The following LRP1B variants were observed in gnomAD, a reference collection of about 807,000 sequenced individuals.
LRP1B encodes low-density lipoprotein receptor-related protein 1B.
A neutral mutation model predicts 556.6 loss-of-function variants in LRP1B; 217 were observed. The ratio of observed to expected loss-of-function variants is 0.39; its 90% CI spans 0.35 to 0.44. The LOEUF (loss-of-function observed/expected upper bound fraction) is 0.44, where lower values mean the gene tolerates loss of function less well. Ranked by LOEUF, LRP1B falls within the 20% of genes least tolerant of loss-of-function variation. The probability of loss-of-function intolerance (pLI) is 1.00; values close to 1 mark genes in which losing one functional copy is unlikely to be tolerated. For missense variants in LRP1B, 5,053 were observed against 5,620.8 expected, an observed-to-expected ratio of 0.90 and a Z score of 3.23; for synonymous variants, 2,047 against 1,865.8, an observed-to-expected ratio of 1.10 and a Z score of -2.50.
intron 18 of LRP1B, among the ~76,000 whole-genome samples, chr2:140,979,316 G>A (rs1696695868): frequency 1.3e-5 from 2 of 151,698 alleles, no homozygotes; most frequent in Admixed American, 6.6e-5. Flanking sequence ...GATTCTATTT[G>A]CCAGCTGTAA....
At chr2:141,938,472 C>T (rs1043975720) in intron 1 of LRP1B, among the ~76,000 whole-genome samples, 7 of 152,082 alleles carry the variant, frequency 4.6e-5, no homozygotes, top group African/African-American at 1.7e-4. Flanking sequence ...AAAAGGGAAC[C>T]TTTGTACACT....
chr2:140,324,000 C>A lies in LRP1B; in HGVS notation c.12407G>T (p.Gly4136Val), dbSNP rs2105059385. ...GCCAAATTTTTGAACTCGAAATACA[C>A]CATTTTTAGGTCCTGCTCCATATAT... ...DYIYGAGPKN[G>V]VFRVQKFGHG... Residue 4136 changes from glycine to valine, a missense_variant, in exon 81 of 91, where the codon GGT (glycine) becomes GTT (valine). By Grantham distance (109) the Gly-to-Val change is moderately radical. Coordinates refer to ENST00000389484, the MANE Select transcript of LRP1B (RefSeq NM_018557.3). 6.2e-7 allele frequency: 1 copy of A among 1,609,354 alleles called. No individual in the cohort carries two copies. Among genetic ancestry groups the A allele is most frequent in the Non-Finnish European group, 8.5e-7 (1 of 1,176,274 alleles).
intron 35 of LRP1B, among the ~76,000 whole-genome samples, chr2:140,740,051 G>C (rs1279399756): frequency 1.3e-5 from 2 of 152,074 alleles, no homozygotes; most frequent in Non-Finnish European, 2.9e-5. Context: ...CAGTGATCAG[G>C]GAACACTTCT....
intron 31 of LRP1B, among the ~76,000 whole-genome samples, chr2:140,818,936 CAAAAAAAAAAAA>C: frequency 9.7e-6 from 1 of 102,910 alleles, no homozygotes; most frequent in East Asian, 2.8e-4. Flanking sequence ...GACTCTGTCT[CAAAAAAAAAAAA>C]AAAAAAAAAA....
Position 140,353,182 on chromosome 2 carries a change from G to A in LRP1B, c.11531-110C>T, listed in dbSNP as rs1032985942. 14 of 1,072,670 alleles carry A rather than the reference G, an allele frequency of 1.3e-5. No individual in the cohort carries two copies. The African/African-American group carries it at 1.9e-4, about 15-fold the overall frequency. The allele number at this position is 1,072,670 out of a possible 1,614,324, so 66.4% of individuals were successfully genotyped here. On this transcript the variant is annotated intron_variant, in intron 75 of 90. Transcript: ENST00000389484. ...TTTTTAACTTATTACTAGCTTTATT[G>A]TCCTTTCACATCTTTAATCTGTGAC... is the stretch of plus-strand genomic sequence containing the variant.
intron 43 of LRP1B, among the ~76,000 whole-genome samples, chr2:140,567,011 T>C (rs1681152421): frequency 6.6e-6 from 1 of 152,094 alleles, no homozygotes; most frequent in Non-Finnish European, 1.5e-5. Flanking sequence ...ATTGGTAGCT[T>C]GGCTGAACTA....
intron 35 of LRP1B, among the ~76,000 whole-genome samples, chr2:140,723,163 T>G (rs964644207): frequency 9.9e-5 from 15 of 152,202 alleles, no homozygotes; most frequent in African/African-American, 3.6e-4. Context: ...TTTTGATGAG[T>G]CTTTTATAAA....
At chr2:140,312,537 A>G (rs564134162) in intron 83 of LRP1B, among the ~76,000 whole-genome samples, 2 of 152,012 alleles carry the variant, frequency 1.3e-5, no homozygotes, top group South Asian at 4.1e-4. Flanking sequence ...TCTTAATGAT[A>G]TCTATGATGC....
In LRP1B at chr2:140,438,921, C is replaced by T. The variant is rs116705943; in HGVS notation, c.10414+3583G>A. On this transcript the variant is annotated intron_variant, in intron 66 of 90. Coordinates refer to ENST00000389484, the MANE Select transcript of LRP1B (RefSeq NM_018557.3). Reference sequence around the variant, plus strand: ...TGGGGCATGAGTGCAGAGTTGACCACTAGAGACCAAACAGAAAATAACTGA... The same window carrying T: ...TGGGGCATGAGTGCAGAGTTGACCATTAGAGACCAAACAGAAAATAACTGA... Among the ~76,000 whole-genome samples the T allele has an allele frequency of 1.6e-3, 242 of 152,140 alleles. 1 individual carries two copies. Among genetic ancestry groups the T allele is most frequent in the African/African-American group, 5.4e-3 (224 of 41,504 alleles).
chr2:140,394,071 G>A (rs202181471), intron 66 of LRP1B, among the ~76,000 whole-genome samples: 2 of 151,378 alleles, frequency 1.3e-5, no homozygotes, highest in Non-Finnish European at 2.9e-5. Context: ...CAGATGTGAG[G>A]AGAACATATT....
At chr2:140,517,159 T>C in intron 49 of LRP1B, 148 bp from the exon 50 acceptor site, 1 of 628,254 alleles carries the variant, frequency 1.6e-6, no homozygotes, top group Non-Finnish European at 2.7e-6. Context: ...ATGTCAAGGT[T>C]ATGAAAATAA....
At chr2:141,394,861 C>G (rs916679835) in intron 3 of LRP1B, among the ~76,000 whole-genome samples, 4 of 152,064 alleles carry the variant, frequency 2.6e-5, no homozygotes, top group Non-Finnish European at 5.9e-5. Flanking sequence ...GACTCTAAAA[C>G]TCTCTGTTTA....
intron 82 of LRP1B, among the ~76,000 whole-genome samples, chr2:140,315,481 C>T (rs1364239166): frequency 6.6e-6 from 1 of 152,062 alleles, no homozygotes; most frequent in African/African-American, 2.4e-5. Context: ...GGCATGATCA[C>T]AGCTCACTGC....
intron 41 of LRP1B, among the ~76,000 whole-genome samples, chr2:140,604,990 T>A (rs1337476181): frequency 6.6e-6 from 1 of 152,154 alleles, no homozygotes; most frequent in Non-Finnish European, 1.5e-5. Context: ...GTTGTTGAAC[T>A]TCCTTTTCTC....
rs1193892202 is a variant in LRP1B at position 141,654,623 on chromosome 2, C to G, written c.205+155656G>C. 2.0e-5 allele frequency among the ~76,000 whole-genome samples: 3 copies of G among 152,144 alleles called. No individual in the cohort carries two copies. In the East Asian group the frequency reaches 5.8e-4, roughly 29 times the overall value. On this transcript the variant is annotated intron_variant, in intron 2 of 90. Transcript: ENST00000389484. Reference sequence around the variant, plus strand: ...CAGACATTTAGTAGAGAAGAACCTCCATTTCTAGCTGTATCTAGCTCTTCT... The same window carrying G: ...CAGACATTTAGTAGAGAAGAACCTCGATTTCTAGCTGTATCTAGCTCTTCT...
intron 43 of LRP1B, among the ~76,000 whole-genome samples, chr2:140,577,521 A>G (rs1466737888): frequency 3.3e-5 from 5 of 151,440 alleles, no homozygotes; most frequent in African/African-American, 4.9e-5. Flanking sequence ...GGCTCAAGCG[A>G]TCTTCCCACC....
At chr2:140,856,556 G>A (rs573914618) in intron 27 of LRP1B, among the ~76,000 whole-genome samples, 6 of 152,098 alleles carry the variant, frequency 3.9e-5, no homozygotes, top group African/African-American at 1.4e-4. Context: ...GTTCTCCATA[G>A]TAATTATTCA....
chr2:140,893,396 A>C (rs1693856850), intron 23 of LRP1B, among the ~76,000 whole-genome samples: 1 of 152,210 alleles, frequency 6.6e-6, no homozygotes, highest in Admixed American at 6.5e-5. Context: ...GCATCATAGG[A>C]ATGTGTGGGC....
chr2:140,641,921 T>C (rs141993960), intron 41 of LRP1B, among the ~76,000 whole-genome samples: 1 of 152,322 alleles, frequency 6.6e-6, no homozygotes, highest in East Asian at 1.9e-4. Context: ...CAAAAAATCA[T>C]TCAAGAATCC....
Sources: gnomAD v4.1 joint callset for allele counts (sites outside exome capture counted in the v4.1 genomes callset) on GRCh38, gnomAD v4.1.1 for gene constraint, MANE v1.5 for transcripts, NCBI Gene and HGNC (gene_info 2026-07-23, HGNC 2026-07-21) for gene names.